The following MED27 variants were observed in gnomAD, a reference collection of about 807,000 sequenced individuals.
MED27 encodes the protein mediator of RNA polymerase II transcription subunit 27.
Under a neutral mutation model 38.2 loss-of-function variants are expected in MED27, and 30 were observed. The ratio of observed to expected loss-of-function variants is 0.79; its 90% CI spans 0.59 to 1.07. The LOEUF (loss-of-function observed/expected upper bound fraction) is 1.07, where lower values mean the gene tolerates loss of function less well. Among genes scored for constraint, MED27 ranks in the 50% least tolerant of loss-of-function variants. The pLI, the probability that MED27 is intolerant of heterozygous loss-of-function variation, is 0.00. For synonymous variants in MED27, 122 were observed against 153.5 expected, an observed-to-expected ratio of 0.79 and a Z score of 1.52; for missense variants, 289 against 397.5, an observed-to-expected ratio of 0.73 and a Z score of 2.32.
At chr9:131,886,585 T>C (rs533120518) in intron 5 of MED27, among the ~76,000 whole-genome samples, 2 of 152,318 alleles carry the variant, frequency 1.3e-5, no homozygotes, top group East Asian at 3.9e-4. Context: ...AGTAAGAATT[T>C]TAAAGATCTT....
chr9:131,925,470 G>A (rs965455526), intron 4 of MED27, among the ~76,000 whole-genome samples: 1 of 152,062 alleles, frequency 6.6e-6, no homozygotes, highest in Non-Finnish European at 1.5e-5. Flanking sequence ...GAAATAAATC[G>A]AATGACCATT....
At chr9:131,952,251 A>G (rs934240134) in intron 3 of MED27, among the ~76,000 whole-genome samples, 1 of 152,204 alleles carries the variant, frequency 6.6e-6, no homozygotes, top group Non-Finnish European at 1.5e-5. Flanking sequence ...AGCTGTGACA[A>G]CTCAGTAACA....
intron 4 of MED27, among the ~76,000 whole-genome samples, chr9:131,928,575 G>A (rs895355388): frequency 1.3e-5 from 2 of 152,188 alleles, no homozygotes; most frequent in Admixed American, 6.5e-5. Flanking sequence ...CACAGCGACT[G>A]GGGGACTTGC....
rs1832426822 is a variant in MED27 at position 132,009,047 on chromosome 9, G to A, written c.479+5290C>T. Among the ~76,000 whole-genome samples the A allele has an allele frequency of 5.9e-5, 9 of 152,254 alleles. No homozygotes were observed. In the South Asian group the frequency reaches 1.9e-3, roughly 32 times the overall value. ...CCCACTCTGCCCGTGGCCTTCTCAGGCACTGGAAGAAGGTCATGTCAGTCA... is the reference window on the plus strand; with the variant it reads ...CCCACTCTGCCCGTGGCCTTCTCAGACACTGGAAGAAGGTCATGTCAGTCA... On this transcript the variant is annotated intron_variant, in intron 3 of 7. Coordinates refer to ENST00000292035, the MANE Select transcript of MED27 (RefSeq NM_004269.4).
chr9:131,966,133 T>G (rs1589238626), intron 3 of MED27, among the ~76,000 whole-genome samples: 1 of 120,100 alleles, frequency 8.3e-6, no homozygotes, highest in African/African-American at 3.3e-5. Flanking sequence ...AAGGCTGAGG[T>G]GGGAGGATTG....
At chr9:132,021,712 A>G (rs532465953) in intron 2 of MED27, among the ~76,000 whole-genome samples, 1 of 152,166 alleles carries the variant, frequency 6.6e-6, no homozygotes, top group African/African-American at 2.4e-5. Flanking sequence ...CTAATTCCCA[A>G]TGTGATGGTA....
chr9:132,079,857 A>C lies in MED27; in HGVS notation c.-13T>G. 1 of 1,568,310 alleles carries C rather than the reference A, an allele frequency of 6.4e-7. No individual in the cohort carries two copies. The highest frequency in any genetic ancestry group is 8.7e-7 in the Non-Finnish European group (1 of 1,155,396). On this transcript the variant is annotated 5_prime_UTR_variant, in exon 1 of 8. Coordinates refer to ENST00000292035, the MANE Select transcript of MED27 (RefSeq NM_004269.4). ...TCACGTCCGCCATGTTGCCGCCGCC[A>C]CAGCAGCTCTCCAAAGCCGGCTTCG...
At chr9:131,871,612 T>C (rs1283866989) in intron 6 of MED27, among the ~76,000 whole-genome samples, 1 of 152,206 alleles carries the variant, frequency 6.6e-6, no homozygotes, top group Non-Finnish European at 1.5e-5. Flanking sequence ...TGTGGTGGTC[T>C]GATCACAGCA....
At chr9:131,983,249 GGA>G (rs1831778313) in intron 3 of MED27, among the ~76,000 whole-genome samples, 3 of 152,154 alleles carry the variant, frequency 2.0e-5, no homozygotes, top group Non-Finnish European at 4.4e-5. Flanking sequence ...AAGCTACCAT[GGA>G]TTTTCCCTCA....
At chr9:131,940,416 CTCTTTTTT>C (rs1282739668) in intron 3 of MED27, among the ~76,000 whole-genome samples, 1 of 151,644 alleles carries the variant, frequency 6.6e-6, no homozygotes, top group Non-Finnish European at 1.5e-5. Flanking sequence ...ATTTTTTCTT[CTCTTTTTT>C]TCTTTTTTTG....
intron 2 of MED27, among the ~76,000 whole-genome samples, chr9:132,054,461 C>T (rs1280722639): frequency 6.6e-6 from 1 of 152,158 alleles, no homozygotes; most frequent in Non-Finnish European, 1.5e-5. Context: ...ACTCTATTAC[C>T]CAGGCTGGAG....
intron 5 of MED27, among the ~76,000 whole-genome samples, chr9:131,890,880 G>A (rs1021846049): frequency 5.9e-5 from 9 of 152,218 alleles, no homozygotes; most frequent in South Asian, 2.1e-4. Flanking sequence ...GGCAAAGTTC[G>A]CTTTGTGCAG....
At chr9:131,971,264 G>T (rs1831469485) in intron 3 of MED27, among the ~76,000 whole-genome samples, 1 of 152,194 alleles carries the variant, frequency 6.6e-6, no homozygotes, top group African/African-American at 2.4e-5. Context: ...ACACTGTGAA[G>T]AGAGCACAGC....
intron 4 of MED27, among the ~76,000 whole-genome samples, chr9:131,935,986 A>G (rs866986050): frequency 1.3e-5 from 2 of 151,994 alleles, no homozygotes; most frequent in South Asian, 2.1e-4. Context: ...TACAAAAATT[A>G]GCCAGGCATG....
At chr9:131,885,359 C>CG (rs1188367853) in intron 5 of MED27, among the ~76,000 whole-genome samples, 3 of 152,186 alleles carry the variant, frequency 2.0e-5, no homozygotes, top group African/African-American at 4.8e-5. Flanking sequence ...CAGAAGCCCC[C>CG]GGGGGAAGGT....
chr9:131,903,891 CTTT>C (rs35837340), intron 4 of MED27, among the ~76,000 whole-genome samples: 3 of 126,706 alleles, frequency 2.4e-5, no homozygotes, highest in Non-Finnish European at 3.4e-5. Context: ...CCACACACAG[CTTT>C]TTTTTTTTTT....
chr9:131,959,848 A>G (rs1831178239), intron 3 of MED27, among the ~76,000 whole-genome samples: 1 of 152,238 alleles, frequency 6.6e-6, no homozygotes, highest in African/African-American at 2.4e-5. Context: ...ATTCTGGCAT[A>G]AAATACGTGT....
intron 3 of MED27, among the ~76,000 whole-genome samples, chr9:132,008,120 T>C (rs1832397712): frequency 6.6e-6 from 1 of 152,230 alleles, no homozygotes; most frequent in South Asian, 2.1e-4. Flanking sequence ...AGAGGAGTGC[T>C]AGGCCATTCA....
intron 2 of MED27, among the ~76,000 whole-genome samples, chr9:132,070,040 G>A (rs892415308): frequency 7.2e-5 from 11 of 152,204 alleles, no homozygotes; most frequent in Admixed American, 2.6e-4. Context: ...CGACAGCCCC[G>A]GAAGGTGGAA....
Sources: allele counts gnomAD v4.1 joint callset (sites outside exome capture counted in the v4.1 genomes callset), GRCh38; gene constraint gnomAD v4.1.1; transcripts MANE v1.5; gene names NCBI Gene and HGNC (gene_info 2026-07-23, HGNC 2026-07-21).